ADGRG6: variants seen among roughly 807,000 people sequenced by gnomAD.
ADGRG6 encodes the protein adhesion G protein-coupled receptor G6.
In ADGRG6, 84 loss-of-function variants were observed where a neutral mutation model predicts 142.4. The observed-to-expected ratio is 0.59, with a 90% CI of 0.49 to 0.71. The LOEUF is 0.71. ADGRG6 is among the 30% of genes least tolerant of loss of function. The probability of loss-of-function intolerance (pLI) is 0.00; values close to 1 mark genes in which losing one functional copy is unlikely to be tolerated. For missense variants in ADGRG6, 1,367 were observed against 1,466.6 expected (o/e 0.93, Z 1.11); for synonymous variants, 521 against 520.5 (o/e 1.00, Z -0.01).
intron 4 of ADGRG6, 151 bp downstream of exon 4, chr6:142,370,944 T>G: frequency 1.3e-6 from 1 of 793,492 alleles, no homozygotes; most frequent in South Asian, 1.8e-5. Context: ...TAAAAAGCTC[T>G]TTTAATTTTT....
intron 15 of ADGRG6, among the ~76,000 whole-genome samples, chr6:142,406,282 T>C (rs948605457): frequency 3.9e-5 from 6 of 151,928 alleles, no homozygotes; most frequent in African/African-American, 1.2e-4. Flanking sequence ...GTATTTCAAG[T>C]GACCTTTGGT....
chr6:142,442,841 C>A (rs908811681), intron 24 of ADGRG6, among the ~76,000 whole-genome samples: 10 of 151,906 alleles, frequency 6.6e-5, no homozygotes, highest in Non-Finnish European at 1.0e-4. Flanking sequence ...AAGTGTCAAA[C>A]CTATATAAAA....
intron 20 of ADGRG6, chr6:142,417,039 T>A: frequency 1.9e-6 from 1 of 533,166 alleles, no homozygotes; most frequent in East Asian, 3.3e-5. Flanking sequence ...TAAATATCTG[T>A]CATTTAAGAG....
At chr6:142,428,095 A>G (rs541615144) in intron 22 of ADGRG6, among the ~76,000 whole-genome samples, 107 of 152,312 alleles carry the variant, frequency 7.0e-4, no homozygotes, top group African/African-American at 2.5e-3. Context: ...TAAAAACTCC[A>G]TTTAATCTTT....
intron 2 of ADGRG6, among the ~76,000 whole-genome samples, chr6:142,366,905 T>A (rs1343871821): frequency 1.3e-5 from 2 of 152,166 alleles, no homozygotes; most frequent in Admixed American, 1.3e-4. Flanking sequence ...CCCACAAGCA[T>A]ATAATTACCA....
At position 142,444,300 on chromosome 6, in the gene ADGRG6, C is replaced by A. The variant is rs920701597; in HGVS notation, c.*785C>A. The A allele has an allele frequency of 3.3e-5, 5 of 152,142 alleles. No homozygotes were observed. Among genetic ancestry groups the A allele is most frequent in the African/African-American group, 1.2e-4 (5 of 41,438 alleles). 9.4% of individuals were successfully genotyped at this position (152,142 alleles called of 1,614,324 possible). ...TCCCAGGAGTTGTTTAAGAATGAAT[C>A]TCTTACACCTCTACTTTTGCCCCTC... On this transcript the variant is annotated 3_prime_UTR_variant, in exon 25 of 25. Coordinates refer to ENST00000367609, the MANE Select transcript of ADGRG6 (RefSeq NM_198569.3).
chr6:142,382,815 G>A (rs1361546089), intron 5 of ADGRG6, among the ~76,000 whole-genome samples: 1 of 152,192 alleles, frequency 6.6e-6, no homozygotes, highest in East Asian at 1.9e-4. Context: ...TAGCACAAAA[G>A]TGACAGGGCT....
At chr6:142,380,538 T>C (rs1781723501) in intron 4 of ADGRG6, among the ~76,000 whole-genome samples, 1 of 152,134 alleles carries the variant, frequency 6.6e-6, no homozygotes. Flanking sequence ...TCCTTATCAG[T>C]TTTTACTTTA....
intron 4 of ADGRG6, 194 bp downstream of exon 4, chr6:142,370,987 A>G (rs1163417916): frequency 3.4e-6 from 2 of 579,960 alleles, no homozygotes; most frequent in African/African-American, 1.9e-5. Context: ...TATAGCACAC[A>G]TTTGATTATA....
intron 2 of ADGRG6, among the ~76,000 whole-genome samples, chr6:142,358,087 T>A (rs1780539671): frequency 1.3e-5 from 2 of 152,356 alleles, no homozygotes; most frequent in South Asian, 4.1e-4. Context: ...ATTGCCTTCA[T>A]GGGTATTAGA....
chr6:142,376,652 T>A (rs2114903776), intron 4 of ADGRG6, among the ~76,000 whole-genome samples: 1 of 152,330 alleles, frequency 6.6e-6, no homozygotes, highest in South Asian at 2.1e-4. Context: ...ATTTTTAGAT[T>A]ACTAAATCAT....
chr6:142,408,429 G>C (rs147775919), intron 16 of ADGRG6, among the ~76,000 whole-genome samples, 160 bp downstream of exon 16: 4 of 152,230 alleles, frequency 2.6e-5, no homozygotes, highest in African/African-American at 9.6e-5. Context: ...GTGCTTTAAA[G>C]TCACAGTAAA....
intron 9 of ADGRG6, among the ~76,000 whole-genome samples, chr6:142,395,388 G>C (rs900017382): frequency 2.0e-5 from 3 of 152,112 alleles, no homozygotes; most frequent in African/African-American, 7.2e-5. Flanking sequence ...GACACTTTGT[G>C]TAGCAACTGG....
At chr6:142,303,650 T>A (rs906516021) in intron 1 of ADGRG6, among the ~76,000 whole-genome samples, 2 of 152,226 alleles carry the variant, frequency 1.3e-5, no homozygotes, top group Non-Finnish European at 2.9e-5. Flanking sequence ...GCTACACATT[T>A]TGAAGTAATA....
chr6:142,382,182 A>T (rs181434569), intron 5 of ADGRG6, among the ~76,000 whole-genome samples, 163 bp downstream of exon 5: 1 of 152,338 alleles, frequency 6.6e-6, no homozygotes, highest in African/African-American at 2.4e-5. Context: ...GTGGGTGCAC[A>T]GTACGTACGG....
At chr6:142,374,787 AATTG>A (rs548923318) in intron 4 of ADGRG6, among the ~76,000 whole-genome samples, 46 of 152,348 alleles carry the variant, frequency 3.0e-4, no homozygotes, top group Admixed American at 7.2e-4. Context: ...AAATTATTTT[AATTG>A]ATTGATAAGA....
chr6:142,370,475 G>A lies in ADGRG6; in HGVS notation c.751G>A (p.Glu251Lys). ...AGAAGACATTTTTGCAGAAAGCTTT[G>A]AACAGCTCTGCCTTGTTTGGAATAA... ...EKEDIFAESF[E>K]QLCLVWNNSL... is the part of the protein sequence containing the mutation. Residue 251 changes from glutamate to lysine, a missense_variant, in exon 4 of 25, where the codon GAA becomes AAA. This residue lies in a region of ADGRG6 where 737 missense variants were observed against 746.5 expected (regional missense o/e 0.99). Coordinates refer to ENST00000367609, the MANE Select transcript of ADGRG6 (RefSeq NM_198569.3). 6.2e-7 allele frequency: 1 copy of A among 1,613,248 alleles called. No individual in the cohort carries two copies. Among genetic ancestry groups the A allele is most frequent in the Non-Finnish European group, 8.5e-7 (1 of 1,179,234 alleles).
intron 18 of ADGRG6, among the ~76,000 whole-genome samples, chr6:142,414,724 C>T (rs1010447196): frequency 6.6e-6 from 1 of 152,164 alleles, no homozygotes; most frequent in South Asian, 2.1e-4. Flanking sequence ...TTGCAGAAAG[C>T]TTGGGAAAGA....
rs752670221 is a variant in ADGRG6 at position 142,419,833 on chromosome 6, A to C, written c.3048A>C (p.Gln1016His). Residue 1016 changes from glutamine to histidine, a missense_variant, in exon 22 of 25, where the codon CAA (glutamine) becomes CAC (histidine). Coordinates refer to ENST00000367609, the MANE Select transcript of ADGRG6 (RefSeq NM_198569.3). Reference sequence around the variant, plus strand: ...CTTCTTTTTTAAGCTGTTGGATTCAAGATCCAGTCATATTTTATGTGACCT... The same window carrying C: ...CTTCTTTTTTAAGCTGTTGGATTCACGATCCAGTCATATTTTATGTGACCT... ...KEKGDEFCWI[Q>H]DPVIFYVTCA... is the part of the protein sequence containing the mutation. The C allele has an allele frequency of 6.2e-7, 1 of 1,605,016 alleles. No homozygotes were observed. The highest frequency in any genetic ancestry group is 1.1e-5 in the South Asian group (1 of 89,652).
Sources: allele counts gnomAD v4.1 joint callset (sites outside exome capture counted in the v4.1 genomes callset), GRCh38; gene constraint gnomAD v4.1.1; regional missense constraint gnomAD v4.1.1; transcripts MANE v1.5; gene names NCBI Gene and HGNC (gene_info 2026-07-23, HGNC 2026-07-21).